The following MYH2 variants were observed in gnomAD, a reference collection of about 807,000 sequenced individuals.
The protein encoded by MYH2 is myosin heavy chain 2.
Under a neutral mutation model 228.1 loss-of-function variants are expected in MYH2, and 139 were observed. That is an observed-to-expected ratio of 0.61 (90% CI 0.53 to 0.70). MYH2 has a LOEUF of 0.70. Among genes scored for constraint, MYH2 ranks in the 30% least tolerant of loss-of-function variants. MYH2 has a pLI of 0.00. For synonymous variants in MYH2, 796 were observed against 871.1 expected (o/e 0.91, Z 1.52); for missense variants, 1,809 against 2,357.5 (o/e 0.77, Z 4.82).
At chr17:10,548,350 G>C (rs1680898072) in intron 2 of MYH2, among the ~76,000 whole-genome samples, 1 of 152,038 alleles carries the variant, frequency 6.6e-6, no homozygotes, top group Admixed American at 6.5e-5. Context: ...AAGATACTTT[G>C]AAAAAGAGGT....
intron 4 of MYH2, 147 bp downstream of exon 4, chr17:10,547,328 G>A (rs139942917): frequency 9.9e-6 from 11 of 1,109,254 alleles, no homozygotes; most frequent in East Asian, 9.5e-5. Context: ...TGTGCTTTAC[G>A]ATAGCAATCA....
At position 10,524,310 on chromosome 17, in the gene MYH2, T is replaced by C. The variant is rs2073321097; in HGVS notation, c.5175+156A>G. Reference sequence around the variant, plus strand: ...ACAATAGTTTTTCAAAGCAAAACAGTGAAAGATTTCTCAGTAATGCAGAAT... The same window carrying C: ...ACAATAGTTTTTCAAAGCAAAACAGCGAAAGATTTCTCAGTAATGCAGAAT... On this transcript the variant is annotated intron_variant, in intron 35 of 39. Coordinates refer to ENST00000245503, the MANE Select transcript of MYH2 (RefSeq NM_017534.6). The surrounding 1 kb of genome is among the most constrained non-coding windows in gnomAD (Gnocchi z 4.7). 6.6e-6 allele frequency among the ~76,000 whole-genome samples: 1 copy of C among 152,224 alleles called. No homozygotes were observed. Among genetic ancestry groups the C allele is most frequent in the Non-Finnish European group, 1.5e-5 (1 of 68,034 alleles).
chr17:10,540,450 A>G (rs564733465), intron 11 of MYH2, 144 bp downstream of exon 11: 1 of 750,176 alleles, frequency 1.3e-6, no homozygotes, highest in East Asian at 2.7e-5. Flanking sequence ...GGCACATCAT[A>G]CTCTTTTCAT....
intron 4 of MYH2, among the ~76,000 whole-genome samples, chr17:10,546,410 C>G (rs1014461481): frequency 6.6e-6 from 1 of 151,310 alleles, no homozygotes; most frequent in African/African-American, 2.4e-5. Context: ...TGTTGCCTAG[C>G]TAAATAACAG....
chr17:10,530,150 C>T, intron 22 of MYH2, 76 bp from the exon 23 acceptor site: 1 of 1,610,036 alleles, frequency 6.2e-7, no homozygotes, highest in South Asian at 1.1e-5. Flanking sequence ...TATGTTTCTG[C>T]ATTTGATCTT....
intron 23 of MYH2, 39 bp downstream of exon 23, chr17:10,529,793 G>A (rs772877771): frequency 6.2e-7 from 1 of 1,613,904 alleles, no homozygotes; most frequent in Non-Finnish European, 8.5e-7. Context: ...TTGTTGGGTG[G>A]CAGAACCTCT....
chr17:10,547,610 T>G lies in MYH2; in HGVS notation c.213A>C (p.Thr71=). The G allele has an allele frequency of 6.2e-7, 1 of 1,614,214 alleles. No individual in the cohort carries two copies. The highest frequency in any genetic ancestry group is 8.5e-7 in the Non-Finnish European group (1 of 1,180,036). ...TVKTEGGATL[T]VKDDQVFPMN... is the part of the protein sequence containing the mutation. Reference sequence around the variant, plus strand: ...TGGGGAAGACCTGATCATCCTTCACTGTCAGAGTCTGGTAAACAGGAAAGA... The same window carrying G: ...TGGGGAAGACCTGATCATCCTTCACGGTCAGAGTCTGGTAAACAGGAAAGA... Residue 71 remains threonine, a synonymous_variant, in exon 4 of 40, where the codon ACA becomes ACC. Transcript: ENST00000245503.
intron 5 of MYH2, 149 bp downstream of exon 5, chr17:10,545,197 T>A (rs911560067): frequency 3.3e-6 from 5 of 1,497,750 alleles, no homozygotes; most frequent in Non-Finnish European, 4.6e-6. Flanking sequence ...TCAGCCTTTC[T>A]CCCCTTCCTG....
intron 4 of MYH2, among the ~76,000 whole-genome samples, chr17:10,547,049 C>T (rs1280814485): frequency 6.6e-6 from 1 of 152,140 alleles, no homozygotes; most frequent in East Asian, 1.9e-4. Flanking sequence ...CGAGATCGCA[C>T]CACTGCACTC....
chr17:10,536,097 A>G (rs2073479070), intron 17 of MYH2, among the ~76,000 whole-genome samples: 1 of 152,208 alleles, frequency 6.6e-6, no homozygotes, highest in Non-Finnish European at 1.5e-5. Flanking sequence ...TGAGTAATTT[A>G]AATCCCTTCT....
intron 19 of MYH2, 136 bp from the exon 20 acceptor site, chr17:10,533,768 T>C (rs2073452216): frequency 1.6e-6 from 2 of 1,275,228 alleles, no homozygotes; most frequent in East Asian, 2.5e-5. Context: ...CATTGTTTAT[T>C]TGAATGGTCA....
intron 17 of MYH2, 89 bp from the exon 18 acceptor site, chr17:10,535,454 G>C (rs2073472536): frequency 9.1e-7 from 1 of 1,099,948 alleles, no homozygotes; most frequent in Non-Finnish European, 1.4e-6. Flanking sequence ...ATCTATAGCT[G>C]AGTTGAATGA....
At position 10,523,205 on chromosome 17, in the gene MYH2, C is replaced by T. The variant is rs756436148; in HGVS notation, c.5578-20G>A. 2.5e-6 allele frequency: 4 copies of T among 1,609,390 alleles called. No individual in the cohort carries two copies. In the South Asian group the frequency reaches 3.3e-5, roughly 13 times the overall value. On this transcript the variant is annotated intron_variant, in intron 38 of 39. Transcript: ENST00000245503. Reference sequence around the variant, plus strand: ...TTCCGTCTGAAAGATTATAAAAAGTCCAGGACCTTAATTACTAAAGCACAT... The same window carrying T: ...TTCCGTCTGAAAGATTATAAAAAGTTCAGGACCTTAATTACTAAAGCACAT...
In MYH2 at chr17:10,531,888, C is replaced by T; in HGVS notation, c.2442G>A (p.Arg814=). 1.9e-6 allele frequency: 3 copies of T among 1,614,016 alleles called. No homozygotes were observed. Among genetic ancestry groups the T allele is most frequent in the Non-Finnish European group, 2.5e-6 (3 of 1,179,956 alleles). ...TGTACTGGATACAGAAGATGGCCTC[C>T]CTGAAATTTAATTGATGCAAATTAG... ...RVEYQRMVER[R]EAIFCIQYNI... is the part of the protein sequence containing the mutation. Residue 814 remains arginine (R), a splice_region_variant and synonymous_variant, in exon 22 of 40, where the codon AGG becomes AGA. Transcript: ENST00000245503.
At chr17:10,542,838 T>C (rs932551086) in intron 10 of MYH2, 37 bp downstream of exon 10, 11 of 1,408,732 alleles carry the variant, frequency 7.8e-6, no homozygotes, top group Non-Finnish European at 1.1e-5. Flanking sequence ...TAGGTACTGA[T>C]GCAGTAATTC....
Position 10,539,188 on chromosome 17 carries a change from A to G in MYH2, c.1416+17T>C, listed in dbSNP as rs1360295299. ...GCCTTACTGTAAAATCCTCTCACCA[A>G]TCAGCTACAAACTCACATCAAAAAT... On this transcript the variant is annotated intron_variant, in intron 14 of 39. Transcript: ENST00000245503. 16 of 1,614,034 alleles carry G rather than the reference A, an allele frequency of 9.9e-6. No individual in the cohort carries two copies. Among genetic ancestry groups the G allele is most frequent in the Non-Finnish European group, 1.3e-5 (15 of 1,179,996 alleles).
In MYH2 at chr17:10,547,509, T is replaced by A. The variant is rs954643085; in HGVS notation, c.314A>T (p.Asn105Ile). ...THLHEPAVLY[N>I]LKERYAAWMI... ...CCAGGCTGCATAACGTTCTTTGAGG[T>A]TGTACAGCACAGCAGGCTCATGCAG... is the stretch of plus-strand genomic sequence containing the variant. The change falls in exon 4 of 40, where the codon AAC (asparagine) becomes ATC (isoleucine). Residue 105 changes from asparagine to isoleucine, a missense_variant. Asn to Ile is a moderately radical substitution (Grantham distance 149). Transcript: ENST00000245503. 6.2e-7 allele frequency: 1 copy of A among 1,614,088 alleles called. No homozygotes were observed. Among genetic ancestry groups the A allele is most frequent in the Admixed American group, 1.7e-5 (1 of 60,022 alleles).
rs1231551087 is a variant in MYH2 at position 10,521,244 on chromosome 17, G to A, written c.*36C>T. On this transcript the variant is annotated 3_prime_UTR_variant, in exon 40 of 40. Coordinates refer to ENST00000245503, the MANE Select transcript of MYH2 (RefSeq NM_017534.6). Reference sequence around the variant, plus strand: ...AATGACCAAAGATGTCACATTTTGTGCCTGTCTTCAGTCATTCCATGGCAT... The same window carrying A: ...AATGACCAAAGATGTCACATTTTGTACCTGTCTTCAGTCATTCCATGGCAT... The A allele has an allele frequency of 6.2e-7, 1 of 1,609,532 alleles. No homozygotes were observed. Among genetic ancestry groups the A allele is most frequent in the Non-Finnish European group, 8.5e-7 (1 of 1,177,406 alleles).
chr17:10,549,550 G>C (rs1262794453), intron 1 of MYH2, 86 bp downstream of exon 1: 1 of 152,248 alleles, frequency 6.6e-6, no homozygotes, highest in African/African-American at 2.4e-5. Context: ...GTTCCAGAAG[G>C]AGCAGTACCA....
Sources: allele counts gnomAD v4.1 joint callset (sites outside exome capture counted in the v4.1 genomes callset), GRCh38; gene constraint gnomAD v4.1.1; non-coding constraint Gnocchi (gnomAD v3.1); transcripts MANE v1.5; gene names NCBI Gene and HGNC (gene_info 2026-07-23, HGNC 2026-07-21).